Variants in DLC1 observed in about 807,000 individuals in gnomAD.
DLC1 encodes the protein rho GTPase-activating protein 7.
Under a neutral mutation model 140.3 loss-of-function variants are expected in DLC1, and 54 were observed. The observed-to-expected ratio is 0.38, with a 90% CI of 0.31 to 0.48. The LOEUF is 0.48. Among genes scored for constraint, DLC1 ranks in the 20% least tolerant of loss-of-function variants. The probability of loss-of-function intolerance (pLI) is 0.96; values close to 1 mark genes in which losing one functional copy is unlikely to be tolerated. For synonymous variants in DLC1, 986 were observed against 728.1 expected (o/e 1.35, Z -5.70); for missense variants, 2,536 against 1,907.0 (o/e 1.33, Z -6.14).
chr8:13,392,148 T>C (rs1463378528), intron 4 of DLC1, among the ~76,000 whole-genome samples: 1 of 152,194 alleles, frequency 6.6e-6, no homozygotes, highest in Non-Finnish European at 1.5e-5. Flanking sequence ...AAGATCATTG[T>C]GCAGTATCTT....
At chr8:13,570,240 C>G (rs1303710508) in intron 1 of DLC1, among the ~76,000 whole-genome samples, 1 of 151,978 alleles carries the variant, frequency 6.6e-6, no homozygotes, top group Non-Finnish European at 1.5e-5. Flanking sequence ...CTTCCCTGAG[C>G]TCTTTTGTGT....
chr8:13,319,475 G>C (rs951916545), intron 4 of DLC1, among the ~76,000 whole-genome samples: 2 of 109,764 alleles, frequency 1.8e-5, no homozygotes, highest in African/African-American at 3.4e-5. Flanking sequence ...CTGGCGGGGC[G>C]GGGGGGGGGG....
At chr8:13,133,925 G>A (rs542072121) in intron 5 of DLC1, among the ~76,000 whole-genome samples, 1 of 152,286 alleles carries the variant, frequency 6.6e-6, no homozygotes, top group African/African-American at 2.4e-5. Flanking sequence ...CGGAGCCAAT[G>A]TAGGTGATAA....
At chr8:13,265,590 T>C (rs770032028) in intron 5 of DLC1, among the ~76,000 whole-genome samples, 3 of 152,114 alleles carry the variant, frequency 2.0e-5, no homozygotes, top group Non-Finnish European at 4.4e-5. Flanking sequence ...CCATTTGTCA[T>C]AGTCTCCAAG....
At chr8:13,089,559 A>C (rs1399563560) in intron 15 of DLC1, among the ~76,000 whole-genome samples, 1 of 152,112 alleles carries the variant, frequency 6.6e-6, no homozygotes, top group Non-Finnish European at 1.5e-5. Context: ...CGGGAGGCAG[A>C]GGTTGCAGTG....
At chr8:13,586,583 G>GCCCTGCACACACACA (rs1805321080) in intron 1 of DLC1, among the ~76,000 whole-genome samples, 1 of 102,250 alleles carries the variant, frequency 9.8e-6, no homozygotes, top group African/African-American at 3.8e-5. Flanking sequence ...TAATGCAGAT[G>GCCCTGCACACACACA]CACATGCACA....
intron 8 of DLC1, among the ~76,000 whole-genome samples, chr8:13,101,756 C>A (rs1819108363): frequency 6.6e-6 from 1 of 152,170 alleles, no homozygotes; most frequent in African/African-American, 2.4e-5. Context: ...TCACAAATAC[C>A]CAGCCCTGAC....
At chr8:13,576,719 C>T (rs146235302) in intron 1 of DLC1, among the ~76,000 whole-genome samples, 1 of 152,098 alleles carries the variant, frequency 6.6e-6, no homozygotes, top group Non-Finnish European at 1.5e-5. Context: ...TCAAATGAAT[C>T]TCCCCAGAGT....
chr8:13,194,225 A>G (rs556484782), intron 5 of DLC1, among the ~76,000 whole-genome samples: 2 of 152,318 alleles, frequency 1.3e-5, no homozygotes, highest in South Asian at 4.1e-4. Context: ...ATTCATCACC[A>G]TCCTCAGGAA....
rs984170075 is a variant in DLC1, at chr8:13,302,990, A to C, written c.1348+2279T>G. Among the ~76,000 whole-genome samples, 5 of 152,312 alleles carry C rather than the reference A, an allele frequency of 3.3e-5. No homozygotes were observed. The South Asian group carries it at 8.3e-4, about 25-fold the overall frequency. On this transcript the variant is annotated intron_variant, in intron 5 of 17. Coordinates refer to ENST00000276297, the MANE Select transcript of DLC1 (RefSeq NM_182643.3). ...ATGGTACTTAAAACTTTTGAAATAA[A>C]TCACATTCTCTTTTGAATTGTCATA...
chr8:13,388,537 C>G (rs78373223), intron 4 of DLC1, among the ~76,000 whole-genome samples: 1,668 of 152,010 alleles, frequency 0.011, 49 homozygotes, highest in African/African-American at 0.037. Context: ...TACATAAGAA[C>G]TTAATAATTA....
intron 2 of DLC1, among the ~76,000 whole-genome samples, chr8:13,413,710 T>C (rs941484315): frequency 6.6e-6 from 1 of 152,062 alleles, no homozygotes; most frequent in African/African-American, 2.4e-5. Flanking sequence ...ACGTGGTGTT[T>C]TCCCCTGCTC....
rs369062272 is a variant in DLC1 at position 13,490,182 on chromosome 8, G to C, written c.1023+8867C>G. Reference sequence around the variant, plus strand: ...TATTTCAATATTTTCAAAAATCTCTGGGTTAATTTTTAATGTGCATAAAAA... The same window carrying C: ...TATTTCAATATTTTCAAAAATCTCTCGGTTAATTTTTAATGTGCATAAAAA... On this transcript the variant is annotated intron_variant, in intron 2 of 17. Transcript: ENST00000276297. Among the ~76,000 whole-genome samples, 6 of 152,072 alleles carry C rather than the reference G, an allele frequency of 3.9e-5. No homozygotes were observed. In the East Asian group the frequency reaches 1.2e-3, roughly 29 times the overall value.
chr8:13,587,153 G>A (rs559690536), intron 1 of DLC1, among the ~76,000 whole-genome samples: 1 of 150,300 alleles, frequency 6.7e-6, no homozygotes, highest in African/African-American at 2.4e-5. Flanking sequence ...TACACCACAA[G>A]CCTGTACATG....
chr8:13,397,008 T>C (rs1023966113), intron 3 of DLC1, among the ~76,000 whole-genome samples: 2 of 150,888 alleles, frequency 1.3e-5, no homozygotes, highest in Non-Finnish European at 1.5e-5. Flanking sequence ...ACTCCATCTA[T>C]CAGTGTTACC....
intron 5 of DLC1, among the ~76,000 whole-genome samples, chr8:13,164,067 C>T (rs1022117641): frequency 2.0e-5 from 3 of 151,980 alleles, no homozygotes; most frequent in Admixed American, 6.5e-5. Flanking sequence ...GAGGCCGAGG[C>T]GGGCGGATCA....
chr8:13,511,601 T>C (rs1350892696), intron 1 of DLC1, among the ~76,000 whole-genome samples: 1 of 152,136 alleles, frequency 6.6e-6, no homozygotes, highest in East Asian at 1.9e-4. Flanking sequence ...CTCTGTTTGG[T>C]CTATGTTGTT....
Position 13,278,285 on chromosome 8 carries a change from C to T in DLC1, c.1348+26984G>A, listed in dbSNP as rs374370773. Among the ~76,000 whole-genome samples the T allele has an allele frequency of 3.9e-5, 6 of 152,304 alleles. No individual in the cohort carries two copies. In the East Asian group the frequency reaches 1.2e-3, roughly 29 times the overall value. ...AATATGATTGCCTAATGCCTGGTTCCATTCTAAAACAATGTCCCCAGAGTT... is the reference window on the plus strand; with the variant it reads ...AATATGATTGCCTAATGCCTGGTTCTATTCTAAAACAATGTCCCCAGAGTT... On this transcript the variant is annotated intron_variant, in intron 5 of 17. Coordinates refer to ENST00000276297, the MANE Select transcript of DLC1 (RefSeq NM_182643.3).
intron 5 of DLC1, among the ~76,000 whole-genome samples, chr8:13,238,724 C>T (rs1218720034): frequency 6.6e-6 from 1 of 152,150 alleles, no homozygotes; most frequent in Non-Finnish European, 1.5e-5. Flanking sequence ...TGGGGCAGAT[C>T]CTGCCCAGCT....
Sources: gnomAD v4.1 joint callset for allele counts (sites outside exome capture counted in the v4.1 genomes callset) on GRCh38, gnomAD v4.1.1 for gene constraint, MANE v1.5 for transcripts, NCBI Gene and HGNC (gene_info 2026-07-23, HGNC 2026-07-21) for gene names.